PTPRN2: variants seen among roughly 807,000 people sequenced by gnomAD.
The protein encoded by PTPRN2 is receptor-type tyrosine-protein phosphatase N2.
In PTPRN2, 74 loss-of-function variants were observed where a neutral mutation model predicts 118.8. The ratio of observed to expected loss-of-function variants is 0.62; its 90% CI spans 0.52 to 0.76. The LOEUF is 0.76. Among genes scored for constraint, PTPRN2 ranks in the 30% least tolerant of loss-of-function variants. The pLI is 0.00. For synonymous variants in PTPRN2, 641 were observed against 608.0 expected (o/e 1.05, Z -0.80); for missense variants, 1,481 against 1,394.4 (o/e 1.06, Z -0.99).
At chr7:157,769,906 G>C (rs1048404559) in intron 12 of PTPRN2, among the ~76,000 whole-genome samples, 6 of 152,240 alleles carry the variant, frequency 3.9e-5, no homozygotes, top group African/African-American at 1.4e-4. Context: ...AGACCCGGCA[G>C]ATGGCCTGAA....
rs566604367 is a variant in PTPRN2, at chr7:158,410,846, C to T, written c.163+78889G>A. 1.5e-4 allele frequency among the ~76,000 whole-genome samples: 23 copies of T among 150,082 alleles called. No homozygotes were observed. In the East Asian group the frequency reaches 4.1e-3, roughly 27 times the overall value. On this transcript the variant is annotated intron_variant, in intron 2 of 22. Transcript: ENST00000389418. ...TGGTGGAGTCACGGGTGGGAGGCCC[C>T]GGAGGGACAGTGCAGACAAGTGCCC...
intron 11 of PTPRN2, among the ~76,000 whole-genome samples, chr7:157,978,121 G>C (rs1221748861): frequency 6.6e-6 from 1 of 151,944 alleles, no homozygotes; most frequent in Non-Finnish European, 1.5e-5. Context: ...AGATGCCTTG[G>C]GCCAGGGCAG....
chr7:158,164,106 C>T (rs555999183), intron 6 of PTPRN2, among the ~76,000 whole-genome samples: 6 of 151,604 alleles, frequency 4.0e-5, no homozygotes, highest in South Asian at 4.2e-4. Context: ...GGAGAGAGCA[C>T]GGTCAGGACG....
chr7:158,533,927 G>A (rs1267437033), intron 1 of PTPRN2, among the ~76,000 whole-genome samples: 1 of 152,222 alleles, frequency 6.6e-6, no homozygotes, highest in Non-Finnish European at 1.5e-5. Flanking sequence ...AGCCACCACT[G>A]CCTTTGCTGG....
rs531737256 is a variant in PTPRN2 at position 157,627,892 on chromosome 7, G to A, written c.2197-6383C>T. On this transcript the variant is annotated intron_variant, in intron 14 of 22. Coordinates refer to ENST00000389418, the MANE Select transcript of PTPRN2 (RefSeq NM_002847.5). This position sits in a 1 kb window ranked among gnomAD's most constrained non-coding sequence, Gnocchi z 4.2. Reference sequence around the variant, plus strand: ...AAGATGTGGCTGCATTCTTTTTCGCGTTCTCACCCTTTGAGAATGACACCA... The same window carrying A: ...AAGATGTGGCTGCATTCTTTTTCGCATTCTCACCCTTTGAGAATGACACCA... Among the ~76,000 whole-genome samples the A allele has an allele frequency of 1.3e-5, 2 of 152,262 alleles. No individual in the cohort carries two copies. Among genetic ancestry groups the A allele is most frequent in the Admixed American group, 6.5e-5 (1 of 15,298 alleles).
chr7:157,751,251 G>A lies in PTPRN2; in HGVS notation c.1789-68314C>T, dbSNP rs191974056. On this transcript the variant is annotated intron_variant, in intron 12 of 22. Coordinates refer to ENST00000389418, the MANE Select transcript of PTPRN2 (RefSeq NM_002847.5). Reference sequence around the variant, plus strand: ...GATGGGGGGCACAAGGCAATATCCCGAGGAGAGAGACAGGCTCAATTCCAG... The same window carrying A: ...GATGGGGGGCACAAGGCAATATCCCAAGGAGAGAGACAGGCTCAATTCCAG... 9.7e-4 allele frequency among the ~76,000 whole-genome samples: 147 copies of A among 152,308 alleles called. 1 individual carries two copies. The highest frequency in any genetic ancestry group is 3.4e-3 in the African/African-American group (140 of 41,562).
intron 2 of PTPRN2, among the ~76,000 whole-genome samples, chr7:158,437,102 A>G (rs1816622673): frequency 6.6e-6 from 1 of 151,984 alleles, no homozygotes; most frequent in African/African-American, 2.4e-5. Flanking sequence ...GACCTTTCCA[A>G]CAGATCTCCT....
intron 4 of PTPRN2, among the ~76,000 whole-genome samples, chr7:158,203,597 C>A (rs893997436): frequency 1.2e-5 from 1 of 85,756 alleles, no homozygotes; most frequent in African/African-American, 7.5e-5. Flanking sequence ...CTGTTCTGCA[C>A]CCCCCCAGAG....
intron 11 of PTPRN2, among the ~76,000 whole-genome samples, chr7:158,032,140 G>A (rs1287402469): frequency 1.3e-5 from 2 of 152,198 alleles, no homozygotes; most frequent in African/African-American, 2.4e-5. Flanking sequence ...CTGCCCCCAC[G>A]CCTGGCCCTG....
chr7:158,316,057 C>A (rs898164226), intron 3 of PTPRN2, among the ~76,000 whole-genome samples: 1 of 152,228 alleles, frequency 6.6e-6, no homozygotes, highest in Non-Finnish European at 1.5e-5. Flanking sequence ...CAAAGACCAT[C>A]CCTGAGTCCC....
intron 12 of PTPRN2, among the ~76,000 whole-genome samples, chr7:157,712,538 G>A (rs1157746970): frequency 2.0e-5 from 3 of 152,142 alleles, no homozygotes; most frequent in Admixed American, 2.0e-4. Flanking sequence ...ATCACCTGAG[G>A]TCAGGAGTTT....
chr7:157,600,931 C>T (rs1166182228), intron 16 of PTPRN2, among the ~76,000 whole-genome samples: 1 of 152,190 alleles, frequency 6.6e-6, no homozygotes, highest in Non-Finnish European at 1.5e-5. Flanking sequence ...TAAATGCATT[C>T]TGAATTAAAA....
At chr7:157,804,589 T>A (rs77065662) in intron 12 of PTPRN2, among the ~76,000 whole-genome samples, 5 of 148,240 alleles carry the variant, frequency 3.4e-5, no homozygotes, top group African/African-American at 1.3e-4. Flanking sequence ...CCCAGCCAAA[T>A]AGCTCTAGAT....
chr7:157,814,627 G>T (rs1307671323), intron 12 of PTPRN2, among the ~76,000 whole-genome samples: 1 of 152,026 alleles, frequency 6.6e-6, no homozygotes, highest in Non-Finnish European at 1.5e-5. Context: ...TCCCATATGG[G>T]GCCATCTGCC....
intron 12 of PTPRN2, among the ~76,000 whole-genome samples, chr7:157,772,075 C>G (rs1294349475): frequency 6.6e-6 from 1 of 150,904 alleles, no homozygotes; most frequent in Non-Finnish European, 1.5e-5. Context: ...GATACACACA[C>G]AGAACACAGA....
chr7:157,640,472 C>A (rs1804605661), intron 14 of PTPRN2, among the ~76,000 whole-genome samples: 1 of 152,062 alleles, frequency 6.6e-6, no homozygotes, highest in Admixed American at 6.5e-5. Flanking sequence ...GGAAGAGAGT[C>A]AAATGTAAAT....
intron 10 of PTPRN2, among the ~76,000 whole-genome samples, chr7:158,104,023 G>A (rs185022808): frequency 2.1e-3 from 315 of 152,108 alleles, no homozygotes; most frequent in African/African-American, 7.1e-3. Flanking sequence ...CACCATGCCC[G>A]ACTAATTTTT....
At chr7:158,123,140 G>C (rs1817311349) in intron 9 of PTPRN2, among the ~76,000 whole-genome samples, 1 of 152,196 alleles carries the variant, frequency 6.6e-6, no homozygotes, top group Non-Finnish European at 1.5e-5. Flanking sequence ...AAAACCAATA[G>C]ATAAACGAGG....
chr7:157,737,093 A>G (rs957828403), intron 12 of PTPRN2, among the ~76,000 whole-genome samples: 2 of 152,240 alleles, frequency 1.3e-5, no homozygotes, highest in Non-Finnish European at 2.9e-5. Flanking sequence ...GAAGTGAACT[A>G]CGTCCTGGTT....
Sources: allele counts gnomAD v4.1 joint callset (sites outside exome capture counted in the v4.1 genomes callset), GRCh38; gene constraint gnomAD v4.1.1; non-coding constraint Gnocchi (gnomAD v3.1); transcripts MANE v1.5; gene names NCBI Gene and HGNC (gene_info 2026-07-23, HGNC 2026-07-21).